The following FAM81B variants were observed in gnomAD, a reference collection of about 807,000 sequenced individuals.
FAM81B encodes family with sequence similarity 81 member B, also known as protein FAM81B.
In FAM81B, 60 loss-of-function variants were observed where a neutral mutation model predicts 58.7. That is an observed-to-expected ratio of 1.02 (90% CI 0.83 to 1.27). FAM81B has a LOEUF of 1.27. Among genes scored for constraint, FAM81B ranks in the 50% most tolerant of loss-of-function variants. The pLI is 0.00. For missense variants in FAM81B, 491 were observed against 522.0 expected, an observed-to-expected ratio of 0.94 and a Z score of 0.58; for synonymous variants, 189 against 179.6, an observed-to-expected ratio of 1.05 and a Z score of -0.42.
At chr5:95,393,893 G>T (rs1761896163) in intron 2 of FAM81B, among the ~76,000 whole-genome samples, 1 of 152,100 alleles carries the variant, frequency 6.6e-6, no homozygotes, top group Non-Finnish European at 1.5e-5. Flanking sequence ...TCCCATAGTG[G>T]CCATCAAGTT....
At chr5:95,423,701 C>T (rs528841288) in intron 5 of FAM81B, among the ~76,000 whole-genome samples, 4 of 152,124 alleles carry the variant, frequency 2.6e-5, no homozygotes, top group African/African-American at 9.6e-5. Context: ...TTACTTGAGA[C>T]AACTCAATGC....
At position 95,400,428 on chromosome 5, in the gene FAM81B, A is replaced by ATACG. The variant is rs747950867; in HGVS notation, c.293+4256_293+4257insGTAC. ...CATACATACATACATACATACATAC[A>ATACG]TACATACACACACACACACACATAC... On this transcript the variant is annotated intron_variant, in intron 3 of 9. Coordinates refer to ENST00000283357, the MANE Select transcript of FAM81B (RefSeq NM_152548.3). 8.2e-4 allele frequency among the ~76,000 whole-genome samples: 79 copies of ATACG among 96,902 alleles called. 1 individual carries two copies. The South Asian group carries it at 9.9e-3, about 12-fold the overall frequency. The allele number at this position is 96,902 out of a possible 152,430, so 63.6% of individuals were successfully genotyped here. A position where few individuals can be genotyped will look rare whatever the true frequency, so the allele number is the denominator to read the frequency against.
In FAM81B at chr5:95,396,170, T is replaced by C; in HGVS notation, c.288T>C (p.Val96=). 1 of 1,599,936 alleles carries C rather than the reference T, an allele frequency of 6.3e-7. No homozygotes were observed. ...TKNSTDLVEY[V]DKSHAFLPII... is the part of the protein sequence containing the mutation. ...ATTCTACAGATCTAGTTGAATATGT[T>C]GACAAGTAAGTGTGTAAATTACAAC... The change falls in exon 3 of 10, where the codon GTT becomes GTC. Residue 96 remains valine (V), a synonymous_variant. Transcript: ENST00000283357.
intron 6 of FAM81B, among the ~76,000 whole-genome samples, chr5:95,436,228 C>T (rs1745094898): frequency 6.6e-6 from 1 of 152,086 alleles, no homozygotes; most frequent in African/African-American, 2.4e-5. Context: ...TTGTTTTTTT[C>T]CTATCCTTAA....
chr5:95,398,805 A>G (rs764216040), intron 3 of FAM81B, among the ~76,000 whole-genome samples: 18 of 152,220 alleles, frequency 1.2e-4, no homozygotes, highest in Non-Finnish European at 1.8e-4. Context: ...GAATTTGTCC[A>G]TATGGACATC....
chr5:95,421,661 A>G (rs1288797471), intron 5 of FAM81B, among the ~76,000 whole-genome samples: 1 of 124,126 alleles, frequency 8.1e-6, no homozygotes, highest in East Asian at 2.6e-4. Context: ...TTCTAGTTGC[A>G]GTGAATTGGT....
chr5:95,441,953 C>T (rs928625859), intron 7 of FAM81B, among the ~76,000 whole-genome samples: 19 of 152,164 alleles, frequency 1.2e-4, no homozygotes, highest in African/African-American at 4.6e-4. Context: ...CCCTAGATAG[C>T]TCTTACTGCT....
At chr5:95,423,357 C>T (rs2152765608) in intron 5 of FAM81B, among the ~76,000 whole-genome samples, 1 of 152,152 alleles carries the variant, frequency 6.6e-6, no homozygotes, top group South Asian at 2.1e-4. Context: ...AGACTAGGGG[C>T]TTGCGTGGGT....
At chr5:95,397,438 C>T (rs1410206726) in intron 3 of FAM81B, among the ~76,000 whole-genome samples, 3 of 152,188 alleles carry the variant, frequency 2.0e-5, no homozygotes, top group Admixed American at 2.0e-4. Flanking sequence ...AAAAGGGAAA[C>T]TTGTCCCCAC....
intron 7 of FAM81B, among the ~76,000 whole-genome samples, chr5:95,441,609 TA>T (rs544364149): frequency 2.1e-4 from 31 of 146,784 alleles, no homozygotes; most frequent in East Asian, 7.9e-4. Flanking sequence ...GTCTGCAAAT[TA>T]AAAAAAAAAG....
intron 7 of FAM81B, among the ~76,000 whole-genome samples, chr5:95,446,229 C>T (rs1205941486): frequency 6.6e-6 from 1 of 152,176 alleles, no homozygotes; most frequent in Non-Finnish European, 1.5e-5. Context: ...CCACACACAA[C>T]CAGTGAGCCC....
intron 6 of FAM81B, among the ~76,000 whole-genome samples, chr5:95,430,929 T>C (rs193273397): frequency 6.6e-6 from 1 of 152,228 alleles, no homozygotes; most frequent in Non-Finnish European, 1.5e-5. Context: ...TTAATTAGCC[T>C]TTTTTATTAT....
chr5:95,448,343 G>A lies in FAM81B; in HGVS notation c.1104G>A (p.Gln368=), dbSNP rs1198608253. 13 of 1,611,966 alleles carry A rather than the reference G, an allele frequency of 8.1e-6. No individual in the cohort carries two copies. Among genetic ancestry groups the A allele is most frequent in the Non-Finnish European group, 1.1e-5 (13 of 1,179,456 alleles). The change falls in exon 9 of 10, where the codon CAG becomes CAA. Residue 368 remains glutamine, a synonymous_variant. Transcript: ENST00000283357. ...SSKVENFINT[Q]KQETQLSKVK... The stretch of plus-strand genomic sequence containing the variant: ...AAGTAGAGAATTTCATTAACACACA[G>A]AAACAGGAAACACAACTAAGTAAAG...
At chr5:95,413,390 T>A (rs763301079) in intron 3 of FAM81B, among the ~76,000 whole-genome samples, 1 of 152,184 alleles carries the variant, frequency 6.6e-6, no homozygotes, top group African/African-American at 2.4e-5. Context: ...GGGATTATGA[T>A]TGGTACCATT....
Position 95,400,730 on chromosome 5 carries a change from C to T in FAM81B, c.293+4555C>T, listed in dbSNP as rs575788963. 7.9e-5 allele frequency among the ~76,000 whole-genome samples: 12 copies of T among 152,200 alleles called. No individual in the cohort carries two copies. The South Asian group carries it at 2.5e-3, about 32-fold the overall frequency. ...GACATTGCAGAGTATTTCAGGTACA[C>T]ATCCTTTAACTTGATCTCGTCAGCC... On this transcript the variant is annotated intron_variant, in intron 3 of 9. Coordinates refer to ENST00000283357, the MANE Select transcript of FAM81B (RefSeq NM_152548.3).
Position 95,420,684 on chromosome 5 carries a change from A to G in FAM81B, c.656+282A>G, listed in dbSNP as rs553388069. 7.9e-5 allele frequency among the ~76,000 whole-genome samples: 12 copies of G among 152,042 alleles called. No individual in the cohort carries two copies. In the East Asian group the frequency reaches 2.3e-3, roughly 29 times the overall value. On this transcript the variant is annotated intron_variant, in intron 5 of 9. Transcript: ENST00000283357. ...CGTCCAAATGCCAACATCCATACAT[A>G]GACGCACCTTCATAACCATGTACGA...
At chr5:95,391,598 G>A in intron 1 of FAM81B, 85 bp downstream of exon 1, 1 of 1,410,982 alleles carries the variant, frequency 7.1e-7, no homozygotes, top group South Asian at 1.5e-5. Flanking sequence ...ACAAAATAAT[G>A]AATCCCAATG....
chr5:95,443,611 A>C (rs1178515713), intron 7 of FAM81B, among the ~76,000 whole-genome samples: 1 of 151,744 alleles, frequency 6.6e-6, no homozygotes, highest in African/African-American at 2.4e-5. Context: ...AATCATGTCC[A>C]TTATGTCCGG....
intron 6 of FAM81B, among the ~76,000 whole-genome samples, chr5:95,430,456 A>C (rs1744829888): frequency 6.6e-6 from 1 of 151,234 alleles, no homozygotes; most frequent in South Asian, 2.1e-4. Flanking sequence ...AAACTAAACA[A>C]ATATATCCTG....
Sources: allele counts gnomAD v4.1 joint callset (sites outside exome capture counted in the v4.1 genomes callset), GRCh38; gene constraint gnomAD v4.1.1; transcripts MANE v1.5; gene names NCBI Gene and HGNC (gene_info 2026-07-23, HGNC 2026-07-21).